Variants in TCF7L2 observed in about 807,000 individuals in gnomAD.
TCF7L2 encodes transcription factor 7 like 2.
In TCF7L2, 23 loss-of-function variants were observed where a neutral mutation model predicts 77.9. That is an observed-to-expected ratio of 0.30 (90% CI 0.21 to 0.42). The LOEUF (loss-of-function observed/expected upper bound fraction) is 0.42. Ranked by LOEUF, TCF7L2 falls within the 10% of genes least tolerant of loss-of-function variation. The pLI is 1.00. For synonymous variants in TCF7L2, 413 were observed against 340.2 expected, an observed-to-expected ratio of 1.21 and a Z score of -2.36; for missense variants, 654 against 793.1, an observed-to-expected ratio of 0.82 and a Z score of 2.11.
rs199913706 is a variant in TCF7L2, at chr10:113,158,106, A to G, written c.1318+37A>G. On this transcript the variant is annotated intron_variant, in intron 12 of 13. Coordinates refer to ENST00000627217, the MANE Select transcript of TCF7L2 (RefSeq NM_001146274.2). ...TCATCAGGTTAGAGGAAGGAGCTGT[A>G]GCCTGAGGACCACCCTTTTATGTTA... is the stretch of plus-strand genomic sequence containing the variant. 2.5e-3 allele frequency: 3,890 copies of G among 1,571,206 alleles called. 8 individuals carry two copies. Among genetic ancestry groups the G allele is most frequent in the Non-Finnish European group, 3.2e-3 (3,733 of 1,156,432 alleles).
At chr10:113,093,829 G>T (rs2060643336) in intron 5 of TCF7L2, among the ~76,000 whole-genome samples, 1 of 152,196 alleles carries the variant, frequency 6.6e-6, no homozygotes, top group Admixed American at 6.5e-5. Flanking sequence ...AGAAGAAAGA[G>T]TTTTCTTTTT....
chr10:113,127,866 CTT>C (rs34638595), intron 5 of TCF7L2, among the ~76,000 whole-genome samples: 19,517 of 110,298 alleles, frequency 0.18, 1,590 homozygotes, highest in Middle Eastern at 0.33. Flanking sequence ...TTGCTGCGTC[CTT>C]TTTTTTTTTT....
intron 4 of TCF7L2, among the ~76,000 whole-genome samples, chr10:112,972,985 T>C (rs1455676834): frequency 6.6e-6 from 1 of 152,234 alleles, no homozygotes; most frequent in Non-Finnish European, 1.5e-5. Context: ...CTCAAAGTAA[T>C]GCTCACAGTG....
chr10:112,985,678 T>C (rs1325275564), intron 4 of TCF7L2, among the ~76,000 whole-genome samples: 5 of 152,172 alleles, frequency 3.3e-5, no homozygotes, highest in Admixed American at 2.6e-4. Context: ...TTGCTTTTTT[T>C]TGGGTGGAAG....
chr10:113,083,263 C>CACAT (rs1433476094), intron 5 of TCF7L2, among the ~76,000 whole-genome samples: 1 of 124,562 alleles, frequency 8.0e-6, no homozygotes, highest in African/African-American at 2.8e-5. Flanking sequence ...CTGATAGACA[C>CACAT]ACACACACAC....
intron 1 of TCF7L2, 80 bp downstream of exon 1, chr10:112,951,025 G>A (rs2030832100): frequency 6.6e-7 from 1 of 1,507,106 alleles, no homozygotes; most frequent in African/African-American, 1.4e-5. Flanking sequence ...GGGAGAAATC[G>A]GGGCTGGGGG....
chr10:113,161,647 C>T (rs1242326898), intron 13 of TCF7L2: 27 of 1,532,952 alleles, frequency 1.8e-5, no homozygotes, highest in Non-Finnish European at 2.2e-5. Context: ...GTTTGTAGTG[C>T]CTCCCTCGTC....
intron 13 of TCF7L2, among the ~76,000 whole-genome samples, chr10:113,162,920 T>C (rs1033721521): frequency 1.3e-5 from 2 of 151,788 alleles, no homozygotes; most frequent in African/African-American, 4.8e-5. Context: ...AGAGTATGGG[T>C]TACCTTCCCC....
chr10:113,048,351 C>G (rs2053817939), intron 5 of TCF7L2, among the ~76,000 whole-genome samples: 2 of 152,126 alleles, frequency 1.3e-5, no homozygotes, highest in Admixed American at 1.3e-4. Flanking sequence ...TTTCTCCAAC[C>G]AGATTGTAAG....
chr10:112,964,842 G>A (rs928710813), intron 4 of TCF7L2, among the ~76,000 whole-genome samples: 2 of 140,708 alleles, frequency 1.4e-5, no homozygotes, highest in Non-Finnish European at 3.1e-5. Flanking sequence ...GGGGGAGAAG[G>A]GGAGCAAAGG....
intron 5 of TCF7L2, among the ~76,000 whole-genome samples, chr10:113,082,835 C>T (rs754928463): frequency 1.3e-4 from 20 of 151,940 alleles, no homozygotes; most frequent in Non-Finnish European, 1.9e-4. Context: ...AGAAGTCATC[C>T]AGCAGCCAGC....
At chr10:113,041,983 C>G (rs1330855576) in intron 5 of TCF7L2, among the ~76,000 whole-genome samples, 1 of 152,128 alleles carries the variant, frequency 6.6e-6, no homozygotes, top group Non-Finnish European at 1.5e-5. Context: ...TCAGAGTGGA[C>G]ACAGCCCCTG....
chr10:113,145,447 G>T (rs2069188869), intron 7 of TCF7L2, among the ~76,000 whole-genome samples: 3 of 151,940 alleles, frequency 2.0e-5, no homozygotes, highest in Admixed American at 2.0e-4. Context: ...TTGTAATGAG[G>T]TGTGATTGTC....
chr10:112,961,254 A>ACCGCCCCCCCCCCCCCCCC (rs1349844083), intron 3 of TCF7L2, among the ~76,000 whole-genome samples: 1 of 60,480 alleles, frequency 1.7e-5, no homozygotes, highest in Non-Finnish European at 2.7e-5. Flanking sequence ...ACCTCAGGTG[A>ACCGCCCCCCCCCCCCCCCC]CCCCCCCCCC....
At chr10:113,062,443 C>T (rs1321112689) in intron 5 of TCF7L2, among the ~76,000 whole-genome samples, 2 of 152,184 alleles carry the variant, frequency 1.3e-5, no homozygotes, top group African/African-American at 4.8e-5. Context: ...TTAGGTCTAA[C>T]ACAGTAGGAA....
chr10:113,012,195 G>A (rs1345480870), intron 4 of TCF7L2, among the ~76,000 whole-genome samples: 1 of 151,570 alleles, frequency 6.6e-6, no homozygotes, highest in East Asian at 2.1e-4. Context: ...CAGAACATCT[G>A]GGGAATGCGA....
chr10:113,016,221 T>C (rs540806144), intron 4 of TCF7L2, among the ~76,000 whole-genome samples: 2 of 152,204 alleles, frequency 1.3e-5, no homozygotes, highest in Admixed American at 6.5e-5. Context: ...CGTGCTACCA[T>C]GCTTGGCTAG....
At chr10:113,108,114 T>G (rs1009923581) in intron 5 of TCF7L2, among the ~76,000 whole-genome samples, 1 of 152,190 alleles carries the variant, frequency 6.6e-6, no homozygotes, top group Non-Finnish European at 1.5e-5. Flanking sequence ...CTCTTGGCTC[T>G]TCTTAGGGGA....
At chr10:113,150,381 T>C (rs921313215) in intron 8 of TCF7L2, among the ~76,000 whole-genome samples, 2 of 152,050 alleles carry the variant, frequency 1.3e-5, no homozygotes, top group Non-Finnish European at 1.5e-5. Flanking sequence ...CCATGACTTA[T>C]GATATGAACC....
Sources: allele counts gnomAD v4.1 joint callset (sites outside exome capture counted in the v4.1 genomes callset), GRCh38; gene constraint gnomAD v4.1.1; transcripts MANE v1.5; gene names NCBI Gene and HGNC (gene_info 2026-07-23, HGNC 2026-07-21).